The following SMG6 variants were observed in gnomAD, a reference collection of about 807,000 sequenced individuals.
SMG6 encodes the protein SMG6 nonsense mediated mRNA decay factor.
Under a neutral mutation model 142.2 loss-of-function variants are expected in SMG6, and 66 were observed. The observed-to-expected ratio is 0.46, with a 90% CI of 0.38 to 0.57. The LOEUF is 0.57. SMG6 is among the 20% of genes least tolerant of loss of function. The probability of loss-of-function intolerance (pLI) is 0.00; values close to 1 mark genes in which losing one functional copy is unlikely to be tolerated. For synonymous variants in SMG6, 779 were observed against 702.4 expected (o/e 1.11, Z -1.72); for missense variants, 1,793 against 1,832.0 (o/e 0.98, Z 0.39).
intron 5 of SMG6, 23 bp downstream of exon 5, chr17:2,292,847 AT>A: frequency 6.3e-7 from 1 of 1,596,462 alleles, no homozygotes; most frequent in East Asian, 2.2e-5. Flanking sequence ...GGGAAGAGAA[AT>A]AACGAAGCAG....
intron 10 of SMG6, chr17:2,214,212 A>C (rs1209494370): frequency 6.6e-6 from 1 of 152,328 alleles, no homozygotes; most frequent in South Asian, 2.1e-4. Flanking sequence ...CACGAGTTAC[A>C]CAGGCCTAGG....
intron 13 of SMG6, among the ~76,000 whole-genome samples, chr17:2,103,504 A>G (rs534759739): frequency 3.3e-5 from 5 of 152,278 alleles, no homozygotes; most frequent in Non-Finnish European, 7.4e-5. Context: ...AAAGCTACAG[A>G]GCGGAAAATT....
At chr17:2,237,910 C>T (rs1259942777) in intron 9 of SMG6, among the ~76,000 whole-genome samples, 1 of 152,232 alleles carries the variant, frequency 6.6e-6, no homozygotes, top group Non-Finnish European at 1.5e-5. Context: ...CCATGTCCCC[C>T]AGCCCCCAAA....
chr17:2,254,754 T>C (rs1452632579), intron 8 of SMG6, among the ~76,000 whole-genome samples: 1 of 152,150 alleles, frequency 6.6e-6, no homozygotes, highest in African/African-American at 2.4e-5. Flanking sequence ...ACATTTTATG[T>C]ACAAAGCACA....
At chr17:2,286,361 A>T (rs1292705613) in intron 6 of SMG6, among the ~76,000 whole-genome samples, 2 of 151,410 alleles carry the variant, frequency 1.3e-5, no homozygotes, top group Non-Finnish European at 2.9e-5. Flanking sequence ...AATTTTTCTT[A>T]CCACAAACCT....
chr17:2,088,115 C>T (rs1342871756), intron 13 of SMG6: 9 of 985,396 alleles, frequency 9.1e-6, no homozygotes, highest in African/African-American at 1.7e-5. Flanking sequence ...CACTGGCACC[C>T]CTGCTAAGTG....
chr17:2,144,902 C>T (rs191583926), intron 13 of SMG6, among the ~76,000 whole-genome samples: 27 of 152,144 alleles, frequency 1.8e-4, no homozygotes, highest in East Asian at 3.9e-4. Flanking sequence ...CTTTCAGGCC[C>T]GCTCACCATA....
chr17:2,240,003 C>T (rs1236334041), intron 9 of SMG6: 1 of 152,162 alleles, frequency 6.6e-6, no homozygotes, highest in Non-Finnish European at 1.5e-5. Flanking sequence ...GCTTCCTAAC[C>T]TCTCTCAGTG....
intron 13 of SMG6, among the ~76,000 whole-genome samples, chr17:2,129,618 A>C (rs1445863468): frequency 6.6e-6 from 1 of 151,600 alleles, no homozygotes; most frequent in Admixed American, 6.6e-5. Flanking sequence ...ACATGGTGAA[A>C]TCCTGTTTCT....
chr17:2,173,689 G>A (rs986936302), intron 12 of SMG6, among the ~76,000 whole-genome samples: 6 of 152,134 alleles, frequency 3.9e-5, no homozygotes, highest in Non-Finnish European at 8.8e-5. Context: ...GGCTGAACCT[G>A]AGAAGAAACC....
intron 13 of SMG6, among the ~76,000 whole-genome samples, chr17:2,098,890 C>G (rs2068931124): frequency 6.6e-6 from 1 of 152,214 alleles, no homozygotes; most frequent in Non-Finnish European, 1.5e-5. Context: ...CTCAGCCTCC[C>G]AAAGGGCTGG....
At chr17:2,133,802 C>T (rs754349858) in intron 13 of SMG6, among the ~76,000 whole-genome samples, 11 of 152,304 alleles carry the variant, frequency 7.2e-5, no homozygotes, top group East Asian at 1.9e-4. Context: ...AGAACTTTTA[C>T]GTAAAACCTT....
intron 8 of SMG6, among the ~76,000 whole-genome samples, chr17:2,272,709 C>G (rs2074565289): frequency 6.6e-6 from 1 of 151,906 alleles, no homozygotes; most frequent in Non-Finnish European, 1.5e-5. Flanking sequence ...GAGGCCGAGG[C>G]AGGCGGATCA....
chr17:2,215,825 G>C (rs781780634), intron 10 of SMG6: 3 of 137,238 alleles, frequency 2.2e-5, no homozygotes, highest in Non-Finnish European at 4.7e-5. Flanking sequence ...CTGGAAATGC[G>C]ACTTTAAAGC....
intron 9 of SMG6, chr17:2,237,674 G>T: frequency 4.0e-6 from 2 of 505,208 alleles, no homozygotes; most frequent in Non-Finnish European, 2.6e-6. Context: ...TCTAGCCAGT[G>T]ACCTAGGGCT....
At chr17:2,097,695 T>C (rs994695878) in intron 13 of SMG6, among the ~76,000 whole-genome samples, 1 of 152,200 alleles carries the variant, frequency 6.6e-6, no homozygotes, top group African/African-American at 2.4e-5. Flanking sequence ...CTGACTGGCC[T>C]CAAATTATGA....
chr17:2,175,407 T>C (rs2071627610), intron 12 of SMG6, among the ~76,000 whole-genome samples: 1 of 151,954 alleles, frequency 6.6e-6, no homozygotes, highest in African/African-American at 2.4e-5. Context: ...GCTGCCACAG[T>C]GGGAGGCCCC....
intron 13 of SMG6, among the ~76,000 whole-genome samples, chr17:2,130,760 A>AT (rs1221707799): frequency 1.3e-5 from 2 of 151,796 alleles, no homozygotes; most frequent in Non-Finnish European, 2.9e-5. Flanking sequence ...AAAAAAAAAA[A>AT]CATCAAATAG....
intron 10 of SMG6, chr17:2,215,747 A>C (rs2072998593): frequency 6.6e-6 from 1 of 152,008 alleles, no homozygotes; most frequent in South Asian, 2.1e-4. Context: ...AGAGAGAAAA[A>C]AAGATCCCAC....
Sources: gnomAD v4.1 joint callset for allele counts (sites outside exome capture counted in the v4.1 genomes callset) on GRCh38, gnomAD v4.1.1 for gene constraint, MANE v1.5 for transcripts, NCBI Gene and HGNC (gene_info 2026-07-23, HGNC 2026-07-21) for gene names.